Variants in DCTD observed in about 807,000 individuals in gnomAD.
DCTD encodes the protein deoxycytidylate deaminase.
A neutral mutation model predicts 21.0 loss-of-function variants in DCTD; 23 were observed. That is an observed-to-expected ratio of 1.09 (90% CI 0.79 to 1.55). DCTD has a LOEUF of 1.55. DCTD is among the 40% of genes most tolerant of loss of function. The pLI is 0.00. For missense variants in DCTD, 224 were observed against 230.0 expected (o/e 0.97, Z 0.17); for synonymous variants, 71 against 81.1 (o/e 0.88, Z 0.67).
chr4:182,906,686 A>T (rs1736779202), intron 3 of DCTD, among the ~76,000 whole-genome samples: 1 of 152,280 alleles, frequency 6.6e-6, no homozygotes, highest in Non-Finnish European at 1.5e-5. Context: ...AAAATGACAG[A>T]AGAATTCTGC....
chr4:182,896,541 C>T (rs891818442), intron 3 of DCTD, among the ~76,000 whole-genome samples: 10 of 152,118 alleles, frequency 6.6e-5, no homozygotes, highest in African/African-American at 2.2e-4. Context: ...AGCCATGCCC[C>T]GAGACTTGCA....
chr4:182,900,115 G>A (rs947487932), intron 3 of DCTD, among the ~76,000 whole-genome samples: 4 of 152,134 alleles, frequency 2.6e-5, no homozygotes, highest in African/African-American at 9.7e-5. Flanking sequence ...AAGAGTTCAA[G>A]AACAGCTTAG....
At chr4:182,911,990 C>G (rs1283947253) in intron 3 of DCTD, among the ~76,000 whole-genome samples, 1 of 152,156 alleles carries the variant, frequency 6.6e-6, no homozygotes, top group East Asian at 1.9e-4. Context: ...GAGATAATCT[C>G]TAAAGCTCCT....
intron 3 of DCTD, among the ~76,000 whole-genome samples, chr4:182,906,579 C>A (rs1175649379): frequency 6.6e-6 from 1 of 152,322 alleles, no homozygotes; most frequent in South Asian, 2.1e-4. Flanking sequence ...CAGAGATCAT[C>A]CCCATCACCA....
chr4:182,917,450 G>A (rs1738950509), upstream of DCTD: 1 of 762,026 alleles, frequency 1.3e-6, no homozygotes, highest in Non-Finnish European at 1.6e-6. This position sits in a 1 kb window ranked among gnomAD's most constrained non-coding sequence, Gnocchi z 4.9. Flanking sequence ...TCGCAGGACG[G>A]CGGCTGGCCC....
At chr4:182,897,389 A>C (rs1192680125) in intron 3 of DCTD, among the ~76,000 whole-genome samples, 1 of 150,516 alleles carries the variant, frequency 6.6e-6, no homozygotes, top group African/African-American at 2.4e-5. Context: ...TATTTATTAG[A>C]TGGGAGAGCA....
At position 182,893,010 on chromosome 4, in the gene DCTD, G is replaced by A. The variant is rs375716899; in HGVS notation, c.458+21C>T. 1.1e-4 allele frequency: 147 copies of A among 1,333,608 alleles called. 2 individuals carry two copies. In the East Asian group the frequency reaches 2.0e-3, roughly 18 times the overall value. 82.6% of individuals were successfully genotyped at this position (1,333,608 alleles called of 1,614,324 possible). A position where few individuals can be genotyped will look rare whatever the true frequency, so the allele number is the denominator to read the frequency against. On this transcript the variant is annotated intron_variant, in intron 5 of 5. Transcript: ENST00000438320. ...AGCCTTCACCCTACCCCGTCCCCCC[G>A]CCCGCATTCTCCCCACTTACCGGAA...
In DCTD at chr4:182,915,571, TG is replaced by T; in HGVS notation, c.-4del. ...TTCTTGCAGGAAACTTCACTCATGT[TG>T]GGTCTAGAAGAAAAACATGACAAAA... On this transcript the variant is annotated 5_prime_UTR_variant, in exon 2 of 6. Transcript: ENST00000438320. 6.3e-7 allele frequency: 1 copy of T among 1,599,548 alleles called. No homozygotes were observed. The highest frequency in any genetic ancestry group is 8.6e-7 in the Non-Finnish European group (1 of 1,166,612).
chr4:182,915,595 A>G lies in DCTD; in HGVS notation c.-7-20T>C, dbSNP rs1345023439. On this transcript the variant is annotated intron_variant, in intron 1 of 5. Transcript: ENST00000438320. ...TTGGGTCTAGAAGAAAAACATGACA[A>G]AACAGAAGTTGAGAGAAGCATTTTA... is the stretch of plus-strand genomic sequence containing the variant. 1.3e-6 allele frequency: 2 copies of G among 1,494,402 alleles called. No individual in the cohort carries two copies. The highest frequency in any genetic ancestry group is 1.9e-6 in the Non-Finnish European group (2 of 1,070,942). 92.6% of individuals were successfully genotyped at this position (1,494,402 alleles called of 1,614,324 possible). A position where few individuals can be genotyped will look rare whatever the true frequency, so the allele number is the denominator to read the frequency against.
chr4:182,915,006 T>C lies in DCTD; in HGVS notation c.161A>G (p.Asn54Ser). ...SENKIVGIGY[N>S]GMPNGCSDDV... ...ATCACTGCACCCATTTGGCATCCCA[T>C]TGTACCCAATCCCGACAATCTTGTT... Residue 54 changes from asparagine to serine, a missense_variant, in exon 3 of 6, where the codon AAT becomes AGT. Coordinates refer to ENST00000438320, the MANE Select transcript of DCTD (RefSeq NM_001921.3). 6.2e-7 allele frequency: 1 copy of C among 1,614,216 alleles called. No individual in the cohort carries two copies. Among genetic ancestry groups the C allele is most frequent in the Non-Finnish European group, 8.5e-7 (1 of 1,180,034 alleles).
intron 2 of DCTD, 23 bp from the exon 3 acceptor site, chr4:182,915,081 G>C (rs375101696): frequency 1.0e-4 from 162 of 1,614,050 alleles, no homozygotes; most frequent in Non-Finnish European, 1.4e-4. Context: ...ATGCCCAAAG[G>C]CTTGGTGCCT....
chr4:182,900,170 GC>G (rs1735474976), intron 3 of DCTD, among the ~76,000 whole-genome samples: 2 of 152,104 alleles, frequency 1.3e-5, no homozygotes. Flanking sequence ...AAAAAACTTA[GC>G]CAGGTATGGT....
chr4:182,903,398 C>A (rs1221256534), intron 3 of DCTD, among the ~76,000 whole-genome samples: 2 of 152,040 alleles, frequency 1.3e-5, no homozygotes, highest in East Asian at 3.9e-4. Context: ...CTGAGCCCTC[C>A]CGCCATGGAG....
chr4:182,912,718 T>C (rs1349721840), intron 3 of DCTD, among the ~76,000 whole-genome samples: 1 of 152,194 alleles, frequency 6.6e-6, no homozygotes, highest in Non-Finnish European at 1.5e-5. Flanking sequence ...TCAGGAGAGC[T>C]GGGAAGTCTG....
intron 4 of DCTD, 32 bp from the exon 5 acceptor site, chr4:182,893,159 T>C (rs1471368610): frequency 1.6e-6 from 2 of 1,280,778 alleles, no homozygotes; most frequent in African/African-American, 1.5e-5. Context: ...TCCCTTAGTG[T>C]ACGCACCTAC....
upstream of DCTD, chr4:182,917,410 G>A (rs1738940992): frequency 9.6e-7 from 1 of 1,044,828 alleles, no homozygotes; most frequent in Non-Finnish European, 1.2e-6. The surrounding 1 kb of genome is among the most constrained non-coding windows in gnomAD (Gnocchi z 4.9). Flanking sequence ...CGCGGGGCCG[G>A]AAGGGGGCAG....
chr4:182,894,434 T>C lies in DCTD; in HGVS notation c.361+55A>G, dbSNP rs879043010. ...AAGATCAAACACATCAGCAATGAGC[T>C]ACTGACGAGCAGGCAGCAATGCAAA... On this transcript the variant is annotated intron_variant, in intron 4 of 5. Transcript: ENST00000438320. 2.3e-5 allele frequency: 23 copies of C among 1,001,922 alleles called. No homozygotes were observed. The South Asian group carries it at 2.3e-4, about 10-fold the overall frequency. The allele number at this position is 1,001,922 out of a possible 1,614,324, so 62.1% of individuals were successfully genotyped here.
Position 182,917,204 on chromosome 4 carries a change from G to T in DCTD, c.-8+107C>A. 1.0e-6 allele frequency: 1 copy of T among 993,174 alleles called. No homozygotes were observed. The highest frequency in any genetic ancestry group is 1.2e-6 in the Non-Finnish European group (1 of 835,806). 61.5% of individuals were successfully genotyped at this position (993,174 alleles called of 1,614,324 possible). A position where few individuals can be genotyped will look rare whatever the true frequency, so the allele number is the denominator to read the frequency against. On this transcript the variant is annotated intron_variant, in intron 1 of 5. Coordinates refer to ENST00000438320, the MANE Select transcript of DCTD (RefSeq NM_001921.3). This position sits in a 1 kb window ranked among gnomAD's most constrained non-coding sequence, Gnocchi z 4.9. ...GCGCCCCCAGCGTCCGCGGCCCCAG[G>T]CCCCCGCCCGGCAGCCAGCGCCCCG...
rs1295071160 is a variant in DCTD at position 182,894,563 on chromosome 4, G to C, written c.287C>G (p.Thr96Ser). ...ELNAIMNKNS[T>S]DVKGCSMYVA... is the part of the protein sequence containing the mutation. ...ATACATACTACAGCCTTTCACATCGGTCGAATTTTTGTTCATGATGGCATT... is the reference window on the plus strand; with the variant it reads ...ATACATACTACAGCCTTTCACATCGCTCGAATTTTTGTTCATGATGGCATT... Residue 96 changes from threonine to serine, a missense_variant, in exon 4 of 6, where the codon ACC (threonine) becomes AGC (serine). By Grantham distance (58) the Thr-to-Ser change is moderately conservative. Coordinates refer to ENST00000438320, the MANE Select transcript of DCTD (RefSeq NM_001921.3). The C allele has an allele frequency of 1.2e-6, 2 of 1,614,158 alleles. No homozygotes were observed. Among genetic ancestry groups the C allele is most frequent in the Non-Finnish European group, 1.7e-6 (2 of 1,179,994 alleles).
Sources: allele counts gnomAD v4.1 joint callset (sites outside exome capture counted in the v4.1 genomes callset), GRCh38; gene constraint gnomAD v4.1.1; non-coding constraint Gnocchi (gnomAD v3.1); transcripts MANE v1.5; gene names NCBI Gene and HGNC (gene_info 2026-07-23, HGNC 2026-07-21).